Variants in CLPX observed in about 807,000 individuals in gnomAD.
The protein encoded by CLPX is caseinolytic mitochondrial matrix peptidase chaperone subunit X, also known as ATP-dependent clpX-like chaperone, mitochondrial.
Under a neutral mutation model 76.4 loss-of-function variants are expected in CLPX, and 34 were observed. That is an observed-to-expected ratio of 0.45 (90% confidence interval 0.34 to 0.59). CLPX has a LOEUF of 0.59. Ranked by LOEUF, CLPX falls within the 20% of genes least tolerant of loss-of-function variation. The probability of loss-of-function intolerance (pLI) is 0.01; values close to 1 mark genes in which losing one functional copy is unlikely to be tolerated. For missense variants in CLPX, 613 were observed against 757.0 expected (o/e 0.81, Z 2.23); for synonymous variants, 248 against 270.9 (o/e 0.92, Z 0.83).
Position 65,185,239 on chromosome 15 carries a change from C to G in CLPX, c.-86G>C. The G allele has an allele frequency of 8.6e-7, 1 of 1,162,296 alleles. No homozygotes were observed. Among genetic ancestry groups the G allele is most frequent in the Non-Finnish European group, 1.2e-6 (1 of 808,754 alleles). The allele number at this position is 1,162,296 out of a possible 1,614,324, so 72.0% of individuals were successfully genotyped here. ...ATCCTGCCCGCAAGGCGCGCTGACT[C>G]GGTTCCGAACCCTTTCGCGGGCCCT... On this transcript the variant is annotated 5_prime_UTR_variant, in exon 1 of 14. Coordinates refer to ENST00000300107, the MANE Select transcript of CLPX (RefSeq NM_006660.5).
Position 65,153,717 on chromosome 15 carries a change from A to G in CLPX, c.1612-78T>C, listed in dbSNP as rs189954757. 3 of 776,168 alleles carry G rather than the reference A, an allele frequency of 3.9e-6. No individual in the cohort carries two copies. The East Asian group carries it at 9.4e-5, about 24-fold the overall frequency. The allele number at this position is 776,168 out of a possible 1,614,324, so 48.1% of individuals were successfully genotyped here. Reference sequence around the variant, plus strand: ...AGAAAATGTACCATTAAGTGAGGGCACAATTTCTCATGGTGTTTTGGAACC... The same window carrying G: ...AGAAAATGTACCATTAAGTGAGGGCGCAATTTCTCATGGTGTTTTGGAACC... On this transcript the variant is annotated intron_variant, in intron 11 of 13. Coordinates refer to ENST00000300107, the MANE Select transcript of CLPX (RefSeq NM_006660.5).
intron 7 of CLPX, 91 bp downstream of exon 7, chr15:65,158,484 C>T (rs2087816995): frequency 4.7e-6 from 5 of 1,054,954 alleles, no homozygotes; most frequent in Middle Eastern, 3.2e-4. Flanking sequence ...TCTCAAGAGC[C>T]GTAATACTTC....
chr15:65,157,766 T>C lies in CLPX; in HGVS notation c.1037A>G (p.Asn346Ser), dbSNP rs764875363. The change falls in exon 8 of 14, where the codon AAT (asparagine) becomes AGT (serine). Residue 346 changes from asparagine (N) to serine (S), a missense_variant. By Grantham distance (46) the Asn-to-Ser change is conservative. Around this residue, in one of 2 missense-constraint regions of CLPX, gnomAD observed 450 missense variants for 638.6 expected, o/e 0.70. Transcript: ENST00000300107. ...CATACCTTGTTGTGCTTTTTCCACA[T>C]TATAATTGGCATCTTGGAGTAGTTT... ...IAKLLQDANY[N>S]VEKAQQGIVF... The C allele has an allele frequency of 1.2e-6, 2 of 1,613,502 alleles. No individual in the cohort carries two copies. Among genetic ancestry groups the C allele is most frequent in the Admixed American group, 1.7e-5 (1 of 59,912 alleles).
At chr15:65,179,076 G>A (rs1199652097) in intron 2 of CLPX, 25 bp from the exon 3 acceptor site, 3 of 1,432,280 alleles carry the variant, frequency 2.1e-6, no homozygotes, top group South Asian at 2.3e-5. Context: ...GGAGAAAAAA[G>A]GAAGAGTGTC....
At chr15:65,181,289 C>T (rs530023697) in intron 1 of CLPX, among the ~76,000 whole-genome samples, 2 of 152,058 alleles carry the variant, frequency 1.3e-5, no homozygotes, top group East Asian at 1.9e-4. Flanking sequence ...AGTAGAATGG[C>T]GGTTCCTGGG....
rs765484364 is a variant in CLPX at position 65,166,645 on chromosome 15, G to C, written c.499C>G (p.Pro167Ala). ...VKLAFQQKPPPPPKKIYNYLD... is the reference protein window; with the variant it reads ...VKLAFQQKPPAPPKKIYNYLD... ...AAGACTTATACCTTCTTAGGGGGAG[G>C]TGGTGGTTTCTGTTGGAATGCCAAT... Residue 167 changes from proline to alanine, a missense_variant, in exon 4 of 14, where the codon CCT becomes GCT. Transcript: ENST00000300107. The C allele has an allele frequency of 3.1e-6, 5 of 1,614,050 alleles. No individual in the cohort carries two copies. Among genetic ancestry groups the C allele is most frequent in the Non-Finnish European group, 3.4e-6 (4 of 1,179,986 alleles).
chr15:65,179,287 C>T (rs2088132029), intron 2 of CLPX, among the ~76,000 whole-genome samples: 1 of 151,994 alleles, frequency 6.6e-6, no homozygotes, highest in Admixed American at 6.6e-5. Flanking sequence ...ATAACATGTG[C>T]CAACATATAT....
chr15:65,163,891 C>T, intron 5 of CLPX, 138 bp downstream of exon 5: 1 of 777,654 alleles, frequency 1.3e-6, no homozygotes, highest in South Asian at 1.6e-5. Flanking sequence ...TTTCATAACA[C>T]ACTAATGGGG....
intron 6 of CLPX, among the ~76,000 whole-genome samples, chr15:65,162,039 T>C (rs561734056): frequency 6.6e-6 from 1 of 152,248 alleles, no homozygotes; most frequent in East Asian, 1.9e-4. Flanking sequence ...GCCATGTGAA[T>C]CTTTCTATGA....
At chr15:65,169,806 T>A (rs140000268) in intron 3 of CLPX, among the ~76,000 whole-genome samples, 2 of 151,588 alleles carry the variant, frequency 1.3e-5, no homozygotes, top group Non-Finnish European at 2.9e-5. Context: ...CCCAGACTAG[T>A]GTGCAATGGT....
chr15:65,169,847 G>A (rs183506314), intron 3 of CLPX, among the ~76,000 whole-genome samples: 4 of 150,856 alleles, frequency 2.7e-5, no homozygotes, highest in East Asian at 3.9e-4. Flanking sequence ...CCTTCGCCTC[G>A]CCTCCAGGGT....
At chr15:65,160,962 G>A (rs1301845565) in intron 6 of CLPX, among the ~76,000 whole-genome samples, 1 of 152,116 alleles carries the variant, frequency 6.6e-6, no homozygotes, top group East Asian at 1.9e-4. Flanking sequence ...CACCAGCTGT[G>A]TGGCCACGGA....
Position 65,149,094 on chromosome 15 carries a change from C to T in CLPX, c.*1729G>A, listed in dbSNP as rs2036016209. ...AAACAAAAAAACTAGCTCAATACTTCAGGTTAAATACACAATATCAAGAAA... is the reference window on the plus strand; with the variant it reads ...AAACAAAAAAACTAGCTCAATACTTTAGGTTAAATACACAATATCAAGAAA... On this transcript the variant is annotated 3_prime_UTR_variant, in exon 14 of 14. Coordinates refer to ENST00000300107, the MANE Select transcript of CLPX (RefSeq NM_006660.5). The T allele has an allele frequency of 6.6e-6, 1 of 152,212 alleles. No homozygotes were observed. Among genetic ancestry groups the T allele is most frequent in the African/African-American group, 2.4e-5 (1 of 41,450 alleles). 9.4% of individuals were successfully genotyped at this position (152,212 alleles called of 1,614,324 possible). A position where few individuals can be genotyped will look rare whatever the true frequency, so the allele number is the denominator to read the frequency against.
At chr15:65,163,119 T>C (rs2087872358) in intron 5 of CLPX, among the ~76,000 whole-genome samples, 2 of 152,088 alleles carry the variant, frequency 1.3e-5, no homozygotes, top group African/African-American at 4.8e-5. Context: ...GATGGATTGC[T>C]TGGGAGACTG....
chr15:65,162,347 A>G (rs2087865224), intron 6 of CLPX, among the ~76,000 whole-genome samples: 2 of 152,260 alleles, frequency 1.3e-5, no homozygotes, highest in Admixed American at 1.3e-4. Flanking sequence ...ACCCACAAGA[A>G]GCAGGCCAAC....
At chr15:65,182,457 T>C (rs964765096) in intron 1 of CLPX, among the ~76,000 whole-genome samples, 2 of 152,244 alleles carry the variant, frequency 1.3e-5, no homozygotes, top group African/African-American at 4.8e-5. Context: ...TAACAGCTTT[T>C]TAAATAATTA....
At chr15:65,151,050 T>C (rs1196231987) in intron 13 of CLPX, 137 bp from the exon 14 acceptor site, 3 of 588,100 alleles carry the variant, frequency 5.1e-6, no homozygotes, top group Non-Finnish European at 8.9e-6. Flanking sequence ...ACTTTTAATA[T>C]TAAGACGGCT....
chr15:65,178,584 T>G (rs1464672211), intron 3 of CLPX, among the ~76,000 whole-genome samples: 1 of 152,028 alleles, frequency 6.6e-6, no homozygotes, highest in African/African-American at 2.4e-5. Context: ...TTCTTTTTTT[T>G]GAGACAGGGT....
chr15:65,163,899 G>A, intron 5 of CLPX, 130 bp downstream of exon 5: 1 of 825,530 alleles, frequency 1.2e-6, no homozygotes, highest in South Asian at 1.6e-5. Context: ...CACACTAATG[G>A]GGAATAACCT....
Sources: gnomAD v4.1 joint callset for allele counts (sites outside exome capture counted in the v4.1 genomes callset) on GRCh38, gnomAD v4.1.1 for gene constraint, gnomAD v4.1.1 regional missense constraint, MANE v1.5 for transcripts, NCBI Gene and HGNC (gene_info 2026-07-23, HGNC 2026-07-21) for gene names.